Variants in APOC3 observed in about 807,000 individuals in gnomAD.
APOC3 encodes apolipoprotein C3.
APOC3 carries 6 observed loss-of-function variants against 7.3 expected under a neutral mutation model. The observed-to-expected ratio is 0.82, with a 90% CI of 0.45 to 1.61. APOC3 has a LOEUF of 1.61. Ranked by LOEUF, APOC3 falls within the 40% of genes most tolerant of loss-of-function variation. The pLI is 0.01. For missense variants in APOC3, 123 were observed against 124.9 expected (o/e 0.98, Z 0.07); for synonymous variants, 45 against 51.2 (o/e 0.88, Z 0.52).
At chr11:116,830,464 TG>T in intron 1 of APOC3, 105 bp from the exon 2 acceptor site, 1 of 1,214,584 alleles carries the variant, frequency 8.2e-7, no homozygotes, top group Non-Finnish European at 1.2e-6. Flanking sequence ...CTACTCCTTC[TG>T]GCAGACCCAG....
intron 3 of APOC3, among the ~76,000 whole-genome samples, chr11:116,832,263 G>C (rs1329558345): frequency 6.6e-6 from 1 of 152,156 alleles, no homozygotes; most frequent in East Asian, 1.9e-4. Flanking sequence ...CCGGCTTTGG[G>C]GTAGGTGTTA....
At chr11:116,830,114 C>T (rs764650833) in intron 1 of APOC3, among the ~76,000 whole-genome samples, 174 bp downstream of exon 1, 4 of 152,018 alleles carry the variant, frequency 2.6e-5, no homozygotes, top group Admixed American at 6.5e-5. Context: ...CATGGAGGCC[C>T]GGGAGGGGTG....
At chr11:116,832,666 T>C (rs1328509094) in intron 3 of APOC3, 98 bp from the exon 4 acceptor site, 7 of 1,569,450 alleles carry the variant, frequency 4.5e-6, no homozygotes, top group African/African-American at 1.4e-5. Flanking sequence ...GGTGTGGTCC[T>C]GACTGGTGTC....
intron 3 of APOC3, 97 bp from the exon 4 acceptor site, chr11:116,832,667 G>A: frequency 6.4e-7 from 1 of 1,570,720 alleles, no homozygotes; most frequent in Non-Finnish European, 8.8e-7. Context: ...GTGTGGTCCT[G>A]ACTGGTGTCG....
intron 3 of APOC3, chr11:116,831,120 G>C: frequency 1.6e-6 from 1 of 622,686 alleles, no homozygotes; most frequent in Non-Finnish European, 2.8e-6. Context: ...TCTCCCCGGA[G>C]CAGTCCTAGG....
chr11:116,831,407 T>C (rs5141), intron 3 of APOC3, among the ~76,000 whole-genome samples: 129,634 of 147,028 alleles, frequency 0.88, 57,481 homozygotes, highest in African/African-American at 0.91. Flanking sequence ...CTCTGTCACC[T>C]AGGCTGGAGT....
chr11:116,830,668 A>C (rs1273224652), intron 2 of APOC3, 31 bp downstream of exon 2: 1 of 1,613,530 alleles, frequency 6.2e-7, no homozygotes, highest in Non-Finnish European at 8.5e-7. Context: ...GGCTGGGGGC[A>C]GGGTGGAGGC....
At chr11:116,831,657 G>A (rs1316327010) in intron 3 of APOC3, among the ~76,000 whole-genome samples, 11 of 152,260 alleles carry the variant, frequency 7.2e-5, no homozygotes, top group South Asian at 2.1e-4. Flanking sequence ...GAGCCACTGC[G>A]CCTGGCCCCA....
At chr11:116,831,204 TC>T (rs1383965087) in intron 3 of APOC3, 2 of 105,494 alleles carry the variant, frequency 1.9e-5, no homozygotes, top group Admixed American at 1.0e-4. Context: ...TTTCTTTCTT[TC>T]TTTCTTTCTT....
Position 116,830,875 on chromosome 11 carries a change from C to T in APOC3, c.158C>T (p.Ser53Phe). Residue 53 changes from serine to phenylalanine, a missense_variant, in exon 3 of 4, where the codon TCC becomes TTC. Physicochemically the swap from Ser to Phe is radical, Grantham distance 155. Transcript: ENST00000227667. ...GATGCACTGAGCAGCGTGCAGGAGT[C>T]CCAGGTGGCCCAGCAGGCCAGGTAC... ...AKDALSSVQESQVAQQARGWV... is the reference protein window; with the variant it reads ...AKDALSSVQEFQVAQQARGWV... 6.2e-7 allele frequency: 1 copy of T among 1,613,006 alleles called. No individual in the cohort carries two copies. The highest frequency in any genetic ancestry group is 2.2e-5 in the East Asian group (1 of 44,868).
chr11:116,833,032 A>C lies in APOC3; in HGVS notation c.*148A>C, dbSNP rs1190149618. The C allele has an allele frequency of 8.9e-7, 1 of 1,127,264 alleles. No individual in the cohort carries two copies. The highest frequency in any genetic ancestry group is 1.5e-5 in the African/African-American group (1 of 64,950). 69.8% of individuals were successfully genotyped at this position (1,127,264 alleles called of 1,614,324 possible). A position where few individuals can be genotyped will look rare whatever the true frequency, so the allele number is the denominator to read the frequency against. On this transcript the variant is annotated 3_prime_UTR_variant, in exon 4 of 4. Transcript: ENST00000227667. ...CCTCATGCCTGGCCCCCCTCCAGGCATGCTGGCCTCCCAATAAAGCTGGAC... is the reference window on the plus strand; with the variant it reads ...CCTCATGCCTGGCCCCCCTCCAGGCCTGCTGGCCTCCCAATAAAGCTGGAC...
chr11:116,830,731 C>A, intron 2 of APOC3, 42 bp from the exon 3 acceptor site: 3 of 1,613,304 alleles, frequency 1.9e-6, no homozygotes, highest in Non-Finnish European at 1.7e-6. Flanking sequence ...CAGGGCTCGT[C>A]CAGAGGCCGA....
In APOC3 at chr11:116,832,799, A is replaced by G; in HGVS notation, c.215A>G (p.Asp72Gly). Reference sequence around the variant, plus strand: ...ACCGATGGCTTCAGTTCCCTGAAAGACTACTGGAGCACCGTTAAGGACAAG... The same window carrying G: ...ACCGATGGCTTCAGTTCCCTGAAAGGCTACTGGAGCACCGTTAAGGACAAG... ...WVTDGFSSLKDYWSTVKDKFS... is the reference protein window; with the variant it reads ...WVTDGFSSLKGYWSTVKDKFS... The change falls in exon 4 of 4, where the codon GAC (aspartate) becomes GGC (glycine). Residue 72 changes from aspartate (D) to glycine (G), a missense_variant. Asp to Gly is a moderately conservative substitution (Grantham distance 94, BLOSUM62 -1). Coordinates refer to ENST00000227667, the MANE Select transcript of APOC3 (RefSeq NM_000040.3). The G allele has an allele frequency of 6.2e-7, 1 of 1,614,142 alleles. No individual in the cohort carries two copies. Among genetic ancestry groups the G allele is most frequent in the South Asian group, 1.1e-5 (1 of 91,086 alleles).
intron 3 of APOC3, 199 bp downstream of exon 3, chr11:116,831,095 C>T (rs1941441902): frequency 3.0e-6 from 2 of 677,322 alleles, no homozygotes; most frequent in South Asian, 3.7e-5. Flanking sequence ...CTGCATTCCT[C>T]CCAGGTCCCT....
chr11:116,832,873 G>A lies in APOC3; in HGVS notation c.289G>A (p.Val97Met), dbSNP rs781170854. 18 of 1,613,712 alleles carry A rather than the reference G, an allele frequency of 1.1e-5. No homozygotes were observed. The East Asian group carries it at 2.7e-4, about 24-fold the overall frequency. ...CCCTGAGGTCAGACCAACTTCAGCC[G>A]TGGCTGCCTGAGACCTCAATACCCC... ...LDPEVRPTSA[V>M]AA Residue 97 changes from valine (V) to methionine (M), a missense_variant, in exon 4 of 4, where the codon GTG becomes ATG. Val to Met is a conservative substitution (Grantham distance 21). Coordinates refer to ENST00000227667, the MANE Select transcript of APOC3 (RefSeq NM_000040.3).
chr11:116,832,437 G>T (rs1941472720), intron 3 of APOC3, among the ~76,000 whole-genome samples: 1 of 152,218 alleles, frequency 6.6e-6, no homozygotes, highest in African/African-American at 2.4e-5. Flanking sequence ...AGGCGGTGCT[G>T]TTTGCACAGA....
chr11:116,830,748 C>A, intron 2 of APOC3, 25 bp from the exon 3 acceptor site: 1 of 1,613,436 alleles, frequency 6.2e-7, no homozygotes, highest in Non-Finnish European at 8.5e-7. Flanking sequence ...CCGATCCACC[C>A]CACTCAGCCC....
At chr11:116,832,379 G>T (rs1346329579) in intron 3 of APOC3, among the ~76,000 whole-genome samples, 2 of 152,196 alleles carry the variant, frequency 1.3e-5, no homozygotes, top group Non-Finnish European at 2.9e-5. Context: ...ATGAGAGGCT[G>T]CCTCCCTCTG....
At chr11:116,831,288 CTTTCTTTCTTTCCTTTCTTTCTCT>C (rs1941455898) in intron 3 of APOC3, among the ~76,000 whole-genome samples, 1 of 69,470 alleles carries the variant, frequency 1.4e-5, no homozygotes. Context: ...TCTTTCCTTT[CTTTCTTTCTTTCCTTTCTTTCTCT>C]TTCTTTCTTT....
Sources: allele counts gnomAD v4.1 joint callset (sites outside exome capture counted in the v4.1 genomes callset), GRCh38; gene constraint gnomAD v4.1.1; transcripts MANE v1.5; gene names NCBI Gene and HGNC (gene_info 2026-07-23, HGNC 2026-07-21).